RYR3: variants seen among roughly 807,000 people sequenced by gnomAD.
The protein encoded by RYR3 is ryanodine receptor 3.
A neutral mutation model predicts 584.3 loss-of-function variants in RYR3; 207 were observed. That is an observed-to-expected ratio of 0.35 (90% CI 0.32 to 0.40). The LOEUF (loss-of-function observed/expected upper bound fraction) is 0.40. Among genes scored for constraint, RYR3 ranks in the 10% least tolerant of loss-of-function variants. The probability of loss-of-function intolerance (pLI) is 1.00; values close to 1 mark genes in which losing one functional copy is unlikely to be tolerated. For missense variants in RYR3, 5,616 were observed against 6,089.2 expected (o/e 0.92, Z 2.59); for synonymous variants, 2,416 against 2,248.5 (o/e 1.07, Z -2.11).
At chr15:33,673,149 T>G (rs1380158905) in intron 38 of RYR3, among the ~76,000 whole-genome samples, 4 of 152,256 alleles carry the variant, frequency 2.6e-5, no homozygotes, top group African/African-American at 9.6e-5. Flanking sequence ...CTACTACATC[T>G]GTGAGATATC....
At position 33,829,710 on chromosome 15, in the gene RYR3, C is replaced by T. The variant is rs576219851; in HGVS notation, c.11335-1253C>T. On this transcript the variant is annotated intron_variant, in intron 85 of 103. Transcript: ENST00000634891. ...GGAGCTTGCAGTGAGCCAGATTGCG[C>T]CGCTGCACTCCAGCCTGGGCAACAG... Among the ~76,000 whole-genome samples, 7 of 151,270 alleles carry T rather than the reference C, an allele frequency of 4.6e-5. No homozygotes were observed. In the South Asian group the frequency reaches 8.4e-4, roughly 18 times the overall value.
intron 42 of RYR3, among the ~76,000 whole-genome samples, chr15:33,703,519 T>C (rs1328343235): frequency 2.0e-5 from 3 of 152,196 alleles, no homozygotes; most frequent in Admixed American, 6.5e-5. Context: ...CCTTGCTATC[T>C]CTCTGTGTGT....
At position 33,738,527 on chromosome 15, in the gene RYR3, GGAA is replaced by G; in HGVS notation, c.7599_7601del (p.Glu2534del). 6.2e-7 allele frequency: 1 copy of G among 1,613,954 alleles called. No homozygotes were observed. The highest frequency in any genetic ancestry group is 8.5e-7 in the Non-Finnish European group (1 of 1,179,876). On this transcript the variant is annotated inframe_deletion, in exon 50 of 104. Transcript: ENST00000634891. ...GATGGGGGAGCTACGGGCTAGCTGTGGAAGAAGAGCTGCACCTAACGGAGAAGC... is the reference window on the plus strand; with the variant it reads ...GATGGGGGAGCTACGGGCTAGCTGTGGAAGAGCTGCACCTAACGGAGAAGC...
intron 1 of RYR3, among the ~76,000 whole-genome samples, chr15:33,379,834 A>G (rs2041054405): frequency 6.6e-6 from 1 of 151,956 alleles, no homozygotes; most frequent in African/African-American, 2.4e-5. Context: ...AAAACCAGGG[A>G]AGCCGAAAGT....
At chr15:33,754,869 G>A (rs2071664108) in intron 57 of RYR3, among the ~76,000 whole-genome samples, 196 bp from the exon 58 acceptor site, 1 of 152,168 alleles carries the variant, frequency 6.6e-6, no homozygotes, top group South Asian at 2.1e-4. Context: ...AATGATAAAG[G>A]TCTTTCTGAA....
At chr15:33,467,416 G>C in intron 1 of RYR3, 1 of 932,272 alleles carries the variant, frequency 1.1e-6, no homozygotes, top group Non-Finnish European at 1.3e-6. Flanking sequence ...GGAGAGCCAA[G>C]GTTCCCCAGC....
At chr15:33,636,307 G>A in intron 26 of RYR3, 69 bp from the exon 27 acceptor site, 1 of 1,339,194 alleles carries the variant, frequency 7.5e-7, no homozygotes. Flanking sequence ...TCGAAGATAT[G>A]GTCATTTCTC....
At chr15:33,531,956 TATC>T (rs1475888843) in intron 4 of RYR3, among the ~76,000 whole-genome samples, 2 of 152,152 alleles carry the variant, frequency 1.3e-5, no homozygotes, top group African/African-American at 4.8e-5. Flanking sequence ...AACAAGCTAA[TATC>T]ATGGTAGTGA....
chr15:33,618,196 T>C (rs1412172445), intron 19 of RYR3, among the ~76,000 whole-genome samples: 6 of 152,226 alleles, frequency 3.9e-5, no homozygotes, highest in African/African-American at 7.2e-5. Context: ...TTAGGCATCA[T>C]AGAATATATT....
At chr15:33,786,810 A>G (rs1382726624) in intron 66 of RYR3, among the ~76,000 whole-genome samples, 3 of 152,136 alleles carry the variant, frequency 2.0e-5, no homozygotes, top group African/African-American at 7.2e-5. Context: ...TTAATCCAAC[A>G]CTGGTATTTA....
At position 33,347,553 on chromosome 15, in the gene RYR3, T is replaced by C. The variant is rs1367508425; in HGVS notation, c.51+36457T>C. On this transcript the variant is annotated intron_variant, in intron 1 of 103. Coordinates refer to ENST00000634891, the MANE Select transcript of RYR3 (RefSeq NM_001036.6). ...GCTCCGCCTCCCGGGGTCATGCCAT[T>C]CTCCTGCCTCAGCCTCCTGAGTAGC... 1.3e-4 allele frequency among the ~76,000 whole-genome samples: 20 copies of C among 151,974 alleles called. 1 individual carries two copies. Among genetic ancestry groups the C allele is most frequent in the Middle Eastern group, 3.4e-3 (1 of 294 alleles).
chr15:33,380,154 A>G (rs1358905046), intron 1 of RYR3, among the ~76,000 whole-genome samples: 1 of 152,158 alleles, frequency 6.6e-6, no homozygotes, highest in Non-Finnish European at 1.5e-5. Flanking sequence ...ACACCCAGAA[A>G]CACTATTTTA....
chr15:33,811,144 C>T, intron 72 of RYR3, 107 bp downstream of exon 72: 1 of 941,986 alleles, frequency 1.1e-6, no homozygotes, highest in Non-Finnish European at 1.7e-6. Context: ...GTTCCAAAAA[C>T]AGTTTGGGGG....
At chr15:33,856,992 G>C (rs7173331) in intron 98 of RYR3, among the ~76,000 whole-genome samples, 84,291 of 151,974 alleles carry the variant, frequency 0.55, 26,228 homozygotes, top group Non-Finnish European at 0.7. Context: ...TAGAGTAGAA[G>C]CTACATTGTG....
At chr15:33,611,050 A>G (rs1042933922) in intron 18 of RYR3, among the ~76,000 whole-genome samples, 1 of 152,236 alleles carries the variant, frequency 6.6e-6, no homozygotes, top group Non-Finnish European at 1.5e-5. Context: ...CTAAACTGGG[A>G]TTATAAATAT....
chr15:33,613,309 G>T lies in RYR3; in HGVS notation c.2291G>T (p.Gly764Val). ...CGCATCAATGGGCAGCCCGTGCAGGGGATGTTTGAGAACTTCAACACAGAC... is the reference window on the plus strand; with the variant it reads ...CGCATCAATGGGCAGCCCGTGCAGGTGATGTTTGAGAACTTCAACACAGAC... ...SFRINGQPVQ[G>V]MFENFNTDGL... is the part of the protein sequence containing the mutation. Residue 764 changes from glycine to valine, a missense_variant, in exon 19 of 104, where the codon GGG (glycine) becomes GTG (valine). By Grantham distance (109) the Gly-to-Val change is moderately radical (BLOSUM62 -3). Around this residue, in one of 9 missense-constraint regions of RYR3, gnomAD observed 1,284 missense variants for 1,344.6 expected, o/e 0.95. Transcript: ENST00000634891. 6.2e-7 allele frequency: 1 copy of T among 1,613,962 alleles called. No homozygotes were observed. Among genetic ancestry groups the T allele is most frequent in the Non-Finnish European group, 8.5e-7 (1 of 1,179,876 alleles).
intron 85 of RYR3, 134 bp from the exon 86 acceptor site, chr15:33,830,829 C>A: frequency 1.2e-6 from 1 of 810,772 alleles, no homozygotes; most frequent in Non-Finnish European, 1.9e-6. Context: ...TGCACTTCTT[C>A]ACAGGGTCCC....
chr15:33,756,987 C>G (rs2071904904), intron 59 of RYR3, among the ~76,000 whole-genome samples: 1 of 152,124 alleles, frequency 6.6e-6, no homozygotes, highest in African/African-American at 2.4e-5. Flanking sequence ...CCAGCTAAAA[C>G]ACAGTGGGAT....
At chr15:33,323,923 T>C (rs1315264006) in intron 1 of RYR3, among the ~76,000 whole-genome samples, 1 of 152,178 alleles carries the variant, frequency 6.6e-6, no homozygotes, top group East Asian at 1.9e-4. Context: ...GGATCTAGTC[T>C]GAACTGCCCA....
Sources: allele counts gnomAD v4.1 joint callset (sites outside exome capture counted in the v4.1 genomes callset), GRCh38; gene constraint gnomAD v4.1.1; regional missense constraint gnomAD v4.1.1; transcripts MANE v1.5; gene names NCBI Gene and HGNC (gene_info 2026-07-23, HGNC 2026-07-21).